Variants in TMEM108 observed in about 807,000 individuals in gnomAD.
The protein encoded by TMEM108 is cancer/testis antigen 124.
Under a neutral mutation model 35.1 loss-of-function variants are expected in TMEM108, and 12 were observed. The ratio of observed to expected loss-of-function variants is 0.34; its 90% confidence interval spans 0.22 to 0.55. The LOEUF is 0.55. Ranked by LOEUF, TMEM108 falls within the 20% of genes least tolerant of loss-of-function variation. The pLI is 0.89. For synonymous variants in TMEM108, 287 were observed against 308.6 expected, an observed-to-expected ratio of 0.93 and a Z score of 0.73; for missense variants, 680 against 753.3, an observed-to-expected ratio of 0.90 and a Z score of 1.14.
At chr3:133,196,768 T>G (rs1396980212) in intron 2 of TMEM108, among the ~76,000 whole-genome samples, 1 of 152,210 alleles carries the variant, frequency 6.6e-6, no homozygotes, top group Non-Finnish European at 1.5e-5. Flanking sequence ...CTTCAGTGAC[T>G]TTTGTCCTCT....
intron 4 of TMEM108, chr3:133,386,546 C>T: frequency 1.3e-6 from 2 of 1,516,722 alleles, no homozygotes; most frequent in Admixed American, 4.2e-5. Context: ...GGATGACTCC[C>T]CAGTGACATT....
chr3:133,096,165 G>T (rs1365149666), intron 2 of TMEM108, among the ~76,000 whole-genome samples: 1 of 152,110 alleles, frequency 6.6e-6, no homozygotes, highest in Non-Finnish European at 1.5e-5. Context: ...GGTGGTTTTT[G>T]TTTGGTTTTT....
intron 2 of TMEM108, among the ~76,000 whole-genome samples, chr3:133,140,279 T>C (rs961385769): frequency 1.3e-5 from 2 of 152,228 alleles, no homozygotes; most frequent in Non-Finnish European, 2.9e-5. Context: ...ATAGACATTA[T>C]AGTTGTAAAC....
At chr3:133,073,980 G>A (rs1943710188) in intron 2 of TMEM108, among the ~76,000 whole-genome samples, 1 of 151,910 alleles carries the variant, frequency 6.6e-6, no homozygotes, top group East Asian at 1.9e-4. Flanking sequence ...AGCTCTTCAG[G>A]TCCTTTGCCC....
intron 3 of TMEM108, among the ~76,000 whole-genome samples, chr3:133,331,562 A>T (rs896887775): frequency 2.6e-5 from 4 of 152,218 alleles, no homozygotes; most frequent in Non-Finnish European, 5.9e-5. Context: ...TGCCTTTCTT[A>T]GCCTATCAGA....
intron 4 of TMEM108, chr3:133,387,661 G>A: frequency 1.4e-6 from 1 of 697,162 alleles, no homozygotes; most frequent in Non-Finnish European, 1.8e-6. Context: ...AATGTAGGCT[G>A]GGGGAAGGGG....
intron 3 of TMEM108, chr3:133,378,235 G>A (rs963941122): frequency 3.2e-6 from 2 of 627,838 alleles, no homozygotes; most frequent in African/African-American, 4.0e-5. Context: ...AGTGCAGGGT[G>A]AGGACACAGG....
Position 133,380,000 on chromosome 3 carries a change from A to T in TMEM108, c.289A>T (p.Ile97Phe). 1 of 1,613,000 alleles carries T rather than the reference A, an allele frequency of 6.2e-7. No homozygotes were observed. The change falls in exon 4 of 6, where the codon ATC (isoleucine) becomes TTC (phenylalanine). Residue 97 changes from isoleucine (I) to phenylalanine (F), a missense_variant. Transcript: ENST00000321871. ...AGAGGGGCACCCTCCTACGCACACCATCTCCACCATCGCTGCGACAGTAAC... is the reference window on the plus strand; with the variant it reads ...AGAGGGGCACCCTCCTACGCACACCTTCTCCACCATCGCTGCGACAGTAAC... The part of the protein sequence containing the change: ...RAEGHPPTHT[I>F]STIAATVTAP...
chr3:133,090,893 A>G (rs1288981453), intron 2 of TMEM108, among the ~76,000 whole-genome samples: 1 of 152,184 alleles, frequency 6.6e-6, no homozygotes, highest in East Asian at 1.9e-4. Flanking sequence ...ATTTATTAAC[A>G]TACTGCTTTT....
At chr3:133,089,853 A>G (rs1943927520) in intron 2 of TMEM108, among the ~76,000 whole-genome samples, 2 of 152,204 alleles carry the variant, frequency 1.3e-5, no homozygotes, top group South Asian at 4.1e-4. Context: ...CTGGCTGTAT[A>G]TCAGCATTTG....
intron 3 of TMEM108, among the ~76,000 whole-genome samples, chr3:133,335,977 A>T (rs925026548): frequency 3.3e-5 from 5 of 152,158 alleles, no homozygotes; most frequent in African/African-American, 1.2e-4. Flanking sequence ...ACTGGGCTGA[A>T]CTTAGCCGAC....
At chr3:133,158,550 C>A (rs1944915958) in intron 2 of TMEM108, among the ~76,000 whole-genome samples, 1 of 150,554 alleles carries the variant, frequency 6.6e-6, no homozygotes, top group South Asian at 2.1e-4. Flanking sequence ...TTACTTCTTT[C>A]ACATCTTTGA....
At chr3:133,040,491 C>A (rs1463846711) in intron 1 of TMEM108, among the ~76,000 whole-genome samples, 5 of 152,060 alleles carry the variant, frequency 3.3e-5, no homozygotes, top group Non-Finnish European at 7.4e-5. Flanking sequence ...GCATGAGCCA[C>A]CATGCCGGCC....
At chr3:133,095,018 G>A (rs932206025) in intron 2 of TMEM108, among the ~76,000 whole-genome samples, 3 of 152,128 alleles carry the variant, frequency 2.0e-5, no homozygotes, top group Non-Finnish European at 2.9e-5. Context: ...TCAGTACTAT[G>A]CCATTCACTA....
chr3:133,295,785 G>A (rs1443898347), intron 3 of TMEM108, among the ~76,000 whole-genome samples: 3 of 152,150 alleles, frequency 2.0e-5, no homozygotes, highest in Admixed American at 1.3e-4. Flanking sequence ...ATGGGAAAAC[G>A]TAATTACAGG....
At chr3:133,143,785 G>T (rs1458926432) in intron 2 of TMEM108, among the ~76,000 whole-genome samples, 1 of 152,038 alleles carries the variant, frequency 6.6e-6, no homozygotes, top group Non-Finnish European at 1.5e-5. Flanking sequence ...GCTCAGCCTT[G>T]ACCACGCTGG....
At position 133,273,958 on chromosome 3, in the gene TMEM108, G is replaced by A. The variant is rs530731221; in HGVS notation, c.40+44607G>A. On this transcript the variant is annotated intron_variant, in intron 3 of 5. Transcript: ENST00000321871. ...ATTTACTCCTGACAGCAATCCTTCG[G>A]GGCTTATTTTCTTGTCTATTTTACT... 3.3e-5 allele frequency among the ~76,000 whole-genome samples: 5 copies of A among 152,224 alleles called. No homozygotes were observed. In the South Asian group the frequency reaches 1.0e-3, roughly 32 times the overall value.
chr3:133,079,109 C>T (rs1297711600), intron 2 of TMEM108, among the ~76,000 whole-genome samples: 2 of 152,156 alleles, frequency 1.3e-5, no homozygotes, highest in South Asian at 2.1e-4. Flanking sequence ...CTGTGACTTA[C>T]GAAGGGGAAG....
intron 2 of TMEM108, among the ~76,000 whole-genome samples, chr3:133,122,580 C>T (rs575747054): frequency 7.2e-5 from 11 of 152,108 alleles, no homozygotes; most frequent in African/African-American, 2.6e-4. Flanking sequence ...AATTGGTCAA[C>T]ATTGGCCAGG....
Sources: gnomAD v4.1 joint callset for allele counts (sites outside exome capture counted in the v4.1 genomes callset) on GRCh38, gnomAD v4.1.1 for gene constraint, MANE v1.5 for transcripts, NCBI Gene and HGNC (gene_info 2026-07-23, HGNC 2026-07-21) for gene names.